KANSL1: variants seen among roughly 807,000 people sequenced by gnomAD.
KANSL1 encodes the protein KAT8 regulatory NSL complex subunit 1.
KANSL1 carries 22 observed loss-of-function variants against 103.6 expected under a neutral mutation model. The observed-to-expected ratio is 0.21, with a 90% confidence interval of 0.15 to 0.30. The LOEUF is 0.30. Among genes scored for constraint, KANSL1 ranks in the 10% least tolerant of loss-of-function variants. The pLI is 1.00. For missense variants in KANSL1, 1,337 were observed against 1,399.8 expected, an observed-to-expected ratio of 0.96 and a Z score of 0.72; for synonymous variants, 600 against 527.6, an observed-to-expected ratio of 1.14 and a Z score of -1.88.
chr17:46,180,802 C>T (rs983094658), intron 1 of KANSL1, among the ~76,000 whole-genome samples: 8 of 152,120 alleles, frequency 5.3e-5, no homozygotes, highest in Non-Finnish European at 5.9e-5. Context: ...GAGTTTGAGA[C>T]CAGCCTGGTC....
intron 1 of KANSL1, among the ~76,000 whole-genome samples, chr17:46,190,520 G>C (rs2047264693): frequency 6.6e-6 from 1 of 152,214 alleles, no homozygotes; most frequent in Admixed American, 6.5e-5. Flanking sequence ...TGGAAAGACC[G>C]AAAATCCCAC....
chr17:46,030,321 A>C lies in KANSL1; in HGVS notation c.*1155T>G, dbSNP rs2146288077. 1 of 152,078 alleles carries C rather than the reference A, an allele frequency of 6.6e-6. No homozygotes were observed. Among genetic ancestry groups the C allele is most frequent in the South Asian group, 2.1e-4 (1 of 4,810 alleles). The allele number at this position is 152,078 out of a possible 1,614,324, so 9.4% of individuals were successfully genotyped here. ...CACTAATGTTGAAAATTGTGAAAAA[A>C]CCCCAACCATTAAGCAGTTGTCTAC... On this transcript the variant is annotated 3_prime_UTR_variant, in exon 15 of 15. Transcript: ENST00000432791.
At chr17:46,147,602 CGAGA>C (rs1567729939) in intron 2 of KANSL1, among the ~76,000 whole-genome samples, 1 of 143,886 alleles carries the variant, frequency 6.9e-6, no homozygotes, top group African/African-American at 2.6e-5. Context: ...AAAAAGAGAG[CGAGA>C]GAGAAAGAGG....
intron 2 of KANSL1, among the ~76,000 whole-genome samples, chr17:46,122,979 G>T (rs2043350440): frequency 6.6e-6 from 1 of 152,200 alleles, no homozygotes; most frequent in Non-Finnish European, 1.5e-5. Flanking sequence ...CTCCTCAATG[G>T]CCTTTAAGTG....
chr17:46,097,137 T>G (rs1344356152), intron 2 of KANSL1, among the ~76,000 whole-genome samples: 1 of 152,250 alleles, frequency 6.6e-6, no homozygotes, highest in Non-Finnish European at 1.5e-5. Context: ...TATATTCTAA[T>G]TCTGCTGAAC....
At chr17:46,189,947 G>A (rs1394043224) in intron 1 of KANSL1, among the ~76,000 whole-genome samples, 1 of 149,116 alleles carries the variant, frequency 6.7e-6, no homozygotes, top group East Asian at 2.0e-4. Flanking sequence ...GATATAACAA[G>A]GTAACTAAGC....
At chr17:46,166,014 C>T (rs960176501) in intron 2 of KANSL1, among the ~76,000 whole-genome samples, 3 of 150,864 alleles carry the variant, frequency 2.0e-5, no homozygotes, top group Non-Finnish European at 4.4e-5. Flanking sequence ...AGTTCTGAGA[C>T]CAGCCTGGGC....
intron 2 of KANSL1, chr17:46,169,427 A>G (rs1306757615): frequency 6.6e-6 from 1 of 152,270 alleles, no homozygotes; most frequent in Admixed American, 6.5e-5. Flanking sequence ...TTCAGATACA[A>G]TATCCATGCA....
Position 46,171,937 on chromosome 17 carries a change from C to G in KANSL1, c.207G>C (p.Lys69Asn). The G allele has an allele frequency of 1.2e-6, 2 of 1,614,228 alleles. No homozygotes were observed. The highest frequency in any genetic ancestry group is 1.7e-6 in the Non-Finnish European group (2 of 1,180,032). The change falls in exon 2 of 15, where the codon AAG (lysine) becomes AAC (asparagine). Residue 69 changes from lysine to asparagine, a missense_variant. Physicochemically the swap from Lys to Asn is moderately conservative, Grantham distance 94. Around this residue, in one of 2 missense-constraint regions of KANSL1, gnomAD observed 557 missense variants for 476.4 expected, o/e 1.17. Coordinates refer to ENST00000432791, the MANE Select transcript of KANSL1 (RefSeq NM_015443.4). Reference sequence around the variant, plus strand: ...GTGGTTGCAGCTTTCCCAAGTCTTCCTTGGTAGGATTATTTCGGAAATCTA... The same window carrying G: ...GTGGTTGCAGCTTTCCCAAGTCTTCGTTGGTAGGATTATTTCGGAAATCTA... ...PSLDFRNNPTKEDLGKLQPLV... is the reference protein window; with the variant it reads ...PSLDFRNNPTNEDLGKLQPLV...
At chr17:46,128,794 C>A (rs1225368670) in intron 2 of KANSL1, among the ~76,000 whole-genome samples, 1 of 152,200 alleles carries the variant, frequency 6.6e-6, no homozygotes, top group African/African-American at 2.4e-5. Flanking sequence ...GAACTTGGAT[C>A]CTCTAGAGCC....
chr17:46,202,422 G>C (rs2047834964), intron 1 of KANSL1, among the ~76,000 whole-genome samples: 2 of 152,168 alleles, frequency 1.3e-5, no homozygotes, highest in Non-Finnish European at 2.9e-5. Flanking sequence ...GATAGAAAAG[G>C]AGTCCTCAGA....
intron 10 of KANSL1, chr17:46,034,640 A>G: frequency 4.3e-6 from 1 of 234,068 alleles, no homozygotes; most frequent in South Asian, 5.4e-5. Context: ...TACAATCTTT[A>G]TTTCCTTCCT....
In KANSL1 at chr17:46,192,804, GAGCAGC is replaced by G. The variant is rs1192286509; in HGVS notation, c.-90+13_-90+18del. ...AAGGGCAGCAGGAGGAGGAGGAGAG[GAGCAGC>G]AGCAGCACCTACCACGTGATGGAGG... On this transcript the variant is annotated intron_variant, in intron 1 of 14. Transcript: ENST00000432791. 2 of 158,052 alleles carry G rather than the reference GAGCAGC, an allele frequency of 1.3e-5. No individual in the cohort carries two copies. Among genetic ancestry groups the G allele is most frequent in the Non-Finnish European group, 2.8e-5 (2 of 72,436 alleles). 9.8% of individuals were successfully genotyped at this position (158,052 alleles called of 1,614,324 possible). A position where few individuals can be genotyped will look rare whatever the true frequency, so the allele number is the denominator to read the frequency against.
chr17:46,184,234 G>C (rs1041472000), intron 1 of KANSL1, among the ~76,000 whole-genome samples: 4 of 151,586 alleles, frequency 2.6e-5, no homozygotes, highest in African/African-American at 9.7e-5. Flanking sequence ...CATACTGACT[G>C]AATTTTGAAA....
chr17:46,035,539 A>C (rs888762479), intron 10 of KANSL1: 15 of 152,178 alleles, frequency 9.9e-5, no homozygotes, highest in African/African-American at 3.1e-4. Flanking sequence ...CATTGACCTC[A>C]GAAATTTAGG....
chr17:46,126,520 T>C lies in KANSL1; in HGVS notation c.1290-31819A>G, dbSNP rs182823724. On this transcript the variant is annotated intron_variant, in intron 2 of 14. Transcript: ENST00000432791. ...CTTTATGACAAACATGTAAGGCATA[T>C]TGGGTTCTGGATAATATGTCAAGGA... Among the ~76,000 whole-genome samples the C allele has an allele frequency of 3.9e-5, 6 of 152,312 alleles. No homozygotes were observed. The East Asian group carries it at 9.6e-4, about 24-fold the overall frequency.
At chr17:46,103,506 C>G (rs2042406372) in intron 2 of KANSL1, among the ~76,000 whole-genome samples, 1 of 152,192 alleles carries the variant, frequency 6.6e-6, no homozygotes, top group Non-Finnish European at 1.5e-5. Context: ...TATCCAGTTA[C>G]TGGTTAAATT....
At chr17:46,117,387 C>T (rs1466914294) in intron 2 of KANSL1, among the ~76,000 whole-genome samples, 1 of 152,212 alleles carries the variant, frequency 6.6e-6, no homozygotes, top group African/African-American at 2.4e-5. Flanking sequence ...CTTCCAGTAA[C>T]GTAAATTCCA....
At chr17:46,126,790 T>C (rs915058317) in intron 2 of KANSL1, among the ~76,000 whole-genome samples, 3 of 152,102 alleles carry the variant, frequency 2.0e-5, no homozygotes, top group Non-Finnish European at 4.4e-5. Flanking sequence ...TAAAAACAAA[T>C]ACATAAACAG....
Sources: allele counts gnomAD v4.1 joint callset (sites outside exome capture counted in the v4.1 genomes callset), GRCh38; gene constraint gnomAD v4.1.1; regional missense constraint gnomAD v4.1.1; transcripts MANE v1.5; gene names NCBI Gene and HGNC (gene_info 2026-07-23, HGNC 2026-07-21).